The following RNF149 variants were observed in gnomAD, a reference collection of about 807,000 sequenced individuals.
RNF149 encodes the protein ring finger protein 149.
A neutral mutation model predicts 39.0 loss-of-function variants in RNF149; 21 were observed. The ratio of observed to expected loss-of-function variants is 0.54; its 90% CI spans 0.38 to 0.77. The LOEUF (loss-of-function observed/expected upper bound fraction) is 0.77. Among genes scored for constraint, RNF149 ranks in the 30% least tolerant of loss-of-function variants. The probability of loss-of-function intolerance (pLI) is 0.00; values close to 1 mark genes in which losing one functional copy is unlikely to be tolerated. For missense variants in RNF149, 493 were observed against 534.9 expected (o/e 0.92, Z 0.77); for synonymous variants, 209 against 213.6 (o/e 0.98, Z 0.19).
chr2:101,277,811 A>G (rs1469835894), intron 6 of RNF149, among the ~76,000 whole-genome samples: 1 of 152,240 alleles, frequency 6.6e-6, no homozygotes, highest in African/African-American at 2.4e-5. Context: ...CCTAGCCAAC[A>G]TTAATCTCAT....
At chr2:101,294,251 T>G in intron 2 of RNF149, 169 bp from the exon 3 acceptor site, 1 of 490,758 alleles carries the variant, frequency 2.0e-6, no homozygotes, top group Non-Finnish European at 3.7e-6. Context: ...CTGCGATTAC[T>G]TTTGCACCAA....
rs1446239480 is a variant in RNF149, at chr2:101,276,168, C to T, written c.*1070G>A. ...TAGGAGCAAGGAAAGACTATAATTC[C>T]ACACTCTAAAAAATAACTGCCTCAT... On this transcript the variant is annotated 3_prime_UTR_variant, in exon 7 of 7. Transcript: ENST00000295317. 6.1e-6 allele frequency: 6 copies of T among 978,692 alleles called. No individual in the cohort carries two copies. In the Admixed American group the frequency reaches 3.1e-4, roughly 50 times the overall value. The allele number at this position is 978,692 out of a possible 1,614,324, so 60.6% of individuals were successfully genotyped here.
At chr2:101,292,698 G>A (rs1683063644) in intron 3 of RNF149, among the ~76,000 whole-genome samples, 1 of 152,250 alleles carries the variant, frequency 6.6e-6, no homozygotes, top group East Asian at 1.9e-4. Flanking sequence ...CCCGGGAGGC[G>A]GAGCTTGCAG....
At chr2:101,292,492 C>T (rs972568853) in intron 3 of RNF149, among the ~76,000 whole-genome samples, 1 of 152,164 alleles carries the variant, frequency 6.6e-6, no homozygotes, top group Non-Finnish European at 1.5e-5. Flanking sequence ...TCCGGCCGGG[C>T]GTGGTGGCTC....
intron 1 of RNF149, among the ~76,000 whole-genome samples, chr2:101,297,729 TGTACAAGTCA>T (rs1683289872): frequency 6.6e-6 from 1 of 152,212 alleles, no homozygotes; most frequent in South Asian, 2.1e-4. Context: ...CCTTTTTAAG[TGTACAAGTCA>T]GTGGCTTTTA....
chr2:101,282,127 G>A, intron 5 of RNF149, 70 bp from the exon 6 acceptor site: 1 of 1,580,252 alleles, frequency 6.3e-7, no homozygotes. Context: ...TGTATCATCT[G>A]GCTCGTAATT....
chr2:101,292,532 C>T (rs1309415107), intron 3 of RNF149, among the ~76,000 whole-genome samples: 4 of 151,918 alleles, frequency 2.6e-5, no homozygotes, highest in South Asian at 4.2e-4. Flanking sequence ...TTTGGGAGGC[C>T]GAGGCAGGTG....
At chr2:101,295,910 TGA>T (rs1558790155) in intron 1 of RNF149, among the ~76,000 whole-genome samples, 1 of 152,092 alleles carries the variant, frequency 6.6e-6, no homozygotes, top group Non-Finnish European at 1.5e-5. Flanking sequence ...CCCAGCACTT[TGA>T]GACACTGAGA....
intron 1 of RNF149, among the ~76,000 whole-genome samples, chr2:101,297,963 T>C (rs1683301192): frequency 6.6e-6 from 1 of 152,132 alleles, no homozygotes; most frequent in South Asian, 2.1e-4. Context: ...CTGGCAAAAA[T>C]AGGCACGAAT....
At chr2:101,297,915 G>C (rs1050672980) in intron 1 of RNF149, among the ~76,000 whole-genome samples, 8 of 152,204 alleles carry the variant, frequency 5.3e-5, no homozygotes, top group Admixed American at 1.3e-4. Context: ...AACATTTCCT[G>C]TAAGATTGGC....
At chr2:101,307,992 C>T (rs1318550149) in intron 1 of RNF149, 137 bp downstream of exon 1, 1 of 1,441,528 alleles carries the variant, frequency 6.9e-7, no homozygotes, top group Non-Finnish European at 9.1e-7. Context: ...GAGGGCTTCC[C>T]TGAAAGTTCC....
At position 101,276,866 on chromosome 2, in the gene RNF149, C is replaced by T. The variant is rs1682363506; in HGVS notation, c.*372G>A. 2.0e-6 allele frequency: 2 copies of T among 1,014,832 alleles called. No homozygotes were observed. Among genetic ancestry groups the T allele is most frequent in the African/African-American group, 3.5e-5 (2 of 57,652 alleles). The allele number at this position is 1,014,832 out of a possible 1,614,324, so 62.9% of individuals were successfully genotyped here. A position where few individuals can be genotyped will look rare whatever the true frequency, so the allele number is the denominator to read the frequency against. ...TACAATTCCACTTCAACTAGTCTAACATTGATGTGCTTTGCCAAAAACCTT... is the reference window on the plus strand; with the variant it reads ...TACAATTCCACTTCAACTAGTCTAATATTGATGTGCTTTGCCAAAAACCTT... On this transcript the variant is annotated 3_prime_UTR_variant, in exon 7 of 7. Transcript: ENST00000295317.
At chr2:101,300,514 A>T (rs1683411988) in intron 1 of RNF149, among the ~76,000 whole-genome samples, 1 of 152,122 alleles carries the variant, frequency 6.6e-6, no homozygotes, top group Non-Finnish European at 1.5e-5. Context: ...ATTATTTTTT[A>T]AAAACTTCCT....
intron 6 of RNF149, among the ~76,000 whole-genome samples, chr2:101,278,980 G>C (rs1254800099): frequency 1.3e-5 from 2 of 152,234 alleles, no homozygotes; most frequent in African/African-American, 2.4e-5. Context: ...TGAGAGTCTA[G>C]TAAATGTTTT....
intron 5 of RNF149, 72 bp from the exon 6 acceptor site, chr2:101,282,129 C>T: frequency 6.3e-7 from 1 of 1,576,358 alleles, no homozygotes; most frequent in South Asian, 1.2e-5. Flanking sequence ...TATCATCTGG[C>T]TCGTAATTCA....
At position 101,297,984 on chromosome 2, in the gene RNF149, G is replaced by A. The variant is rs78048380; in HGVS notation, c.461-2803C>T. Among the ~76,000 whole-genome samples, 17 of 152,286 alleles carry A rather than the reference G, an allele frequency of 1.1e-4. No homozygotes were observed. In the East Asian group the frequency reaches 2.7e-3, roughly 24 times the overall value. On this transcript the variant is annotated intron_variant, in intron 1 of 6. Coordinates refer to ENST00000295317, the MANE Select transcript of RNF149 (RefSeq NM_173647.4). ...AAAATAGGCACGAATGAGCACTCTC[G>A]CACACTGCTGGACAAGGGGGTGAAT...
At chr2:101,297,293 A>C (rs1223446797) in intron 1 of RNF149, among the ~76,000 whole-genome samples, 1 of 152,218 alleles carries the variant, frequency 6.6e-6, no homozygotes, top group Non-Finnish European at 1.5e-5. Context: ...TTCCTATAAG[A>C]GTAATAGAAA....
chr2:101,294,158 T>C (rs1192594595), intron 2 of RNF149, 76 bp from the exon 3 acceptor site: 1 of 807,192 alleles, frequency 1.2e-6, no homozygotes, highest in African/African-American at 1.7e-5. Flanking sequence ...GTCACAAATA[T>C]AATACACATA....
At chr2:101,295,307 C>T (rs1318089614) in intron 1 of RNF149, 126 bp from the exon 2 acceptor site, 2 of 774,824 alleles carry the variant, frequency 2.6e-6, no homozygotes, top group East Asian at 2.7e-5. Flanking sequence ...CCATGGGAAA[C>T]ATAAGTTACC....
Sources: gnomAD v4.1 joint callset for allele counts (sites outside exome capture counted in the v4.1 genomes callset) on GRCh38, gnomAD v4.1.1 for gene constraint, MANE v1.5 for transcripts, NCBI Gene and HGNC (gene_info 2026-07-23, HGNC 2026-07-21) for gene names.